RBFOX3: variants seen among roughly 807,000 people sequenced by gnomAD.
The protein encoded by RBFOX3 is RNA binding fox-1 homolog 3.
RBFOX3 carries 17 observed loss-of-function variants against 48.7 expected under a neutral mutation model. The ratio of observed to expected loss-of-function variants is 0.35; its 90% CI spans 0.24 to 0.52. The LOEUF (loss-of-function observed/expected upper bound fraction) is 0.52. Ranked by LOEUF, RBFOX3 falls within the 20% of genes least tolerant of loss-of-function variation. The probability of loss-of-function intolerance (pLI) is 0.94; values close to 1 mark genes in which losing one functional copy is unlikely to be tolerated. For missense variants in RBFOX3, 382 were observed against 497.5 expected (o/e 0.77, Z 2.21); for synonymous variants, 212 against 209.5 (o/e 1.01, Z -0.10).
intron 2 of RBFOX3, among the ~76,000 whole-genome samples, chr17:79,318,102 G>A (rs763066251): frequency 4.6e-5 from 7 of 152,206 alleles, no homozygotes; most frequent in Admixed American, 4.6e-4. Flanking sequence ...CAAAGTTGCT[G>A]AGTAGACAGA....
intron 1 of RBFOX3, among the ~76,000 whole-genome samples, chr17:79,559,838 T>C (rs2092081011): frequency 7.9e-6 from 1 of 126,960 alleles, no homozygotes; most frequent in Non-Finnish European, 1.6e-5. Context: ...AGGTGGTGAA[T>C]GAATGGGTGG....
chr17:79,620,387 ACACATGCC>A, the RBFOX3 span, among the ~76,000 whole-genome samples: 1 of 149,384 alleles, frequency 6.7e-6, no homozygotes, highest in East Asian at 2.0e-4. Context: ...ACACACATGC[ACACATGCC>A]CACATGCACA....
At chr17:79,174,131 G>A (rs2049995286) in intron 4 of RBFOX3, among the ~76,000 whole-genome samples, 1 of 152,124 alleles carries the variant, frequency 6.6e-6, no homozygotes, top group South Asian at 2.1e-4. Flanking sequence ...CTGGTGGTGG[G>A]GACCAGGGAA....
intron 2 of RBFOX3, among the ~76,000 whole-genome samples, chr17:79,315,016 CA>C (rs1263473172): frequency 6.6e-6 from 1 of 151,990 alleles, no homozygotes; most frequent in African/African-American, 2.4e-5. Flanking sequence ...AAAAATTCTC[CA>C]AAAATTTTTT....
At chr17:79,201,259 T>C (rs1360536998) in intron 4 of RBFOX3, among the ~76,000 whole-genome samples, 1 of 152,104 alleles carries the variant, frequency 6.6e-6, no homozygotes, top group African/African-American at 2.4e-5. Context: ...AGATCTACTC[T>C]TATTGGCTCA....
chr17:79,403,782 CTTTTTTTTTT>C (rs781618072), intron 2 of RBFOX3, among the ~76,000 whole-genome samples: 5 of 124,354 alleles, frequency 4.0e-5, no homozygotes, highest in Admixed American at 1.7e-4. Context: ...TGTTCTTTTT[CTTTTTTTTTT>C]TTTTTTTTTG....
chr17:79,225,725 G>A (rs2060238838), intron 4 of RBFOX3, among the ~76,000 whole-genome samples: 1 of 152,202 alleles, frequency 6.6e-6, no homozygotes. Context: ...GCCGGAGGGG[G>A]TACTGGGTCC....
At chr17:79,456,761 AC>A (rs2074566951) in intron 2 of RBFOX3, among the ~76,000 whole-genome samples, 1 of 151,644 alleles carries the variant, frequency 6.6e-6, no homozygotes, top group African/African-American at 2.4e-5. Flanking sequence ...GCCTCTGCCC[AC>A]CCTGGCCCGG....
intron 1 of RBFOX3, among the ~76,000 whole-genome samples, chr17:79,585,139 A>C (rs1007977234): frequency 1.3e-5 from 2 of 152,212 alleles, no homozygotes; most frequent in Non-Finnish European, 2.9e-5. Context: ...CACTGAGTAC[A>C]GCGTCCACTG....
intron 2 of RBFOX3, among the ~76,000 whole-genome samples, chr17:79,412,243 T>A (rs1186083904): frequency 6.6e-6 from 1 of 151,900 alleles, no homozygotes; most frequent in East Asian, 1.9e-4. Flanking sequence ...GTGTGTGATA[T>A]GTGTGAGTGT....
intron 4 of RBFOX3, among the ~76,000 whole-genome samples, chr17:79,144,895 C>T (rs551080079): frequency 2.6e-4 from 40 of 152,286 alleles, no homozygotes; most frequent in Non-Finnish European, 4.4e-4. Context: ...GCAGACGGGC[C>T]GCTGCCTACC....
chr17:79,557,639 G>A (rs1050185315), intron 1 of RBFOX3, among the ~76,000 whole-genome samples: 21 of 152,244 alleles, frequency 1.4e-4, no homozygotes, highest in Admixed American at 1.2e-3. Flanking sequence ...CCGAAGAAAC[G>A]AGTCTGAAGA....
intron 2 of RBFOX3, among the ~76,000 whole-genome samples, chr17:79,367,234 C>T (rs2057900470): frequency 6.8e-6 from 1 of 146,532 alleles, no homozygotes; most frequent in Admixed American, 6.8e-5. Flanking sequence ...CTCCTCCCCT[C>T]CCCTTCTCCC....
chr17:79,284,257 G>T (rs927299441), intron 3 of RBFOX3, among the ~76,000 whole-genome samples: 1 of 152,228 alleles, frequency 6.6e-6, no homozygotes, highest in Non-Finnish European at 1.5e-5. Flanking sequence ...CCAATGCAGG[G>T]TTGCTGAAGA....
intron 2 of RBFOX3, among the ~76,000 whole-genome samples, chr17:79,356,895 G>A (rs923728506): frequency 4.6e-5 from 7 of 152,146 alleles, no homozygotes; most frequent in South Asian, 2.1e-4. Flanking sequence ...CTGCAACTCC[G>A]TCCCCCTCAG....
At position 79,361,876 on chromosome 17, in the gene RBFOX3, GTTTC is replaced by G. The variant is rs138904450; in HGVS notation, c.-174-54056_-174-54053del. Among the ~76,000 whole-genome samples, 15 of 152,276 alleles carry G rather than the reference GTTTC, an allele frequency of 9.9e-5. No homozygotes were observed. In the East Asian group the frequency reaches 2.7e-3, roughly 27 times the overall value. On this transcript the variant is annotated intron_variant, in intron 2 of 14. Coordinates refer to ENST00000693108, the MANE Select transcript of RBFOX3 (RefSeq NM_001350451.2). This position sits in a 1 kb window ranked among gnomAD's most constrained non-coding sequence, Gnocchi z 4.5. ...TCACAAGGCATAGGCAGATTTCTCT[GTTTC>G]TTTATTTGTTCATTAAAACTTCAAT...
chr17:79,286,509 G>A (rs2071917644), intron 3 of RBFOX3, among the ~76,000 whole-genome samples: 1 of 152,156 alleles, frequency 6.6e-6, no homozygotes, highest in Non-Finnish European at 1.5e-5. Context: ...GGTGCTTCAC[G>A]CCCGGCCCCT....
At chr17:79,621,643 T>C in the RBFOX3 span, among the ~76,000 whole-genome samples, 24 of 152,314 alleles carry the variant, frequency 1.6e-4, no homozygotes, top group Admixed American at 1.3e-3. Context: ...CATCGGGGCA[T>C]AACCCAGTGT....
intron 2 of RBFOX3, among the ~76,000 whole-genome samples, chr17:79,439,973 G>A (rs532320803): frequency 6.6e-6 from 1 of 152,198 alleles, no homozygotes; most frequent in Admixed American, 6.5e-5. Context: ...GAAGGAGGAC[G>A]CAGGAATGGC....
Sources: allele counts gnomAD v4.1 joint callset (sites outside exome capture counted in the v4.1 genomes callset), GRCh38; gene constraint gnomAD v4.1.1; non-coding constraint Gnocchi (gnomAD v3.1); transcripts MANE v1.5; gene names NCBI Gene and HGNC (gene_info 2026-07-23, HGNC 2026-07-21).